REV3L: variants seen among roughly 807,000 people sequenced by gnomAD.
REV3L encodes DNA polymerase zeta catalytic subunit.
In REV3L, 69 loss-of-function variants were observed where a neutral mutation model predicts 299.4. The observed-to-expected ratio is 0.23, with a 90% CI of 0.19 to 0.28. The LOEUF (loss-of-function observed/expected upper bound fraction) is 0.28, where lower values mean the gene tolerates loss of function less well. Among genes scored for constraint, REV3L ranks in the 10% least tolerant of loss-of-function variants. The pLI is 1.00. For synonymous variants in REV3L, 1,238 were observed against 1,271.4 expected (o/e 0.97, Z 0.56); for missense variants, 3,128 against 3,693.8 (o/e 0.85, Z 3.97).
At chr6:111,356,489 C>G (rs534837291) in intron 18 of REV3L, among the ~76,000 whole-genome samples, 98 of 151,998 alleles carry the variant, frequency 6.4e-4, no homozygotes, top group Middle Eastern at 3.4e-3. Flanking sequence ...GCTCTGTGCA[C>G]AAGAGTATGT....
intron 20 of REV3L, among the ~76,000 whole-genome samples, chr6:111,345,459 G>C (rs1776927867): frequency 6.6e-6 from 1 of 152,130 alleles, no homozygotes; most frequent in Admixed American, 6.5e-5. Flanking sequence ...TTTATATGCA[G>C]TAAGTGTAAC....
At chr6:111,359,131 G>A in intron 16 of REV3L, 117 bp from the exon 17 acceptor site, 3 of 778,204 alleles carry the variant, frequency 3.9e-6, no homozygotes, top group Non-Finnish European at 5.8e-6. Flanking sequence ...GGACATAAAG[G>A]ACAAAGTCAC....
In REV3L at chr6:111,422,651, T is replaced by C. The variant is rs866001447; in HGVS notation, c.140-6179A>G. Among the ~76,000 whole-genome samples, 14 of 35,492 alleles carry C rather than the reference T, an allele frequency of 3.9e-4. 2 individuals carry two copies. Among genetic ancestry groups the C allele is most frequent in the South Asian group, 1.0e-3 (1 of 976 alleles). The allele number at this position is 35,492 out of a possible 152,430, so 23.3% of individuals were successfully genotyped here. On this transcript the variant is annotated intron_variant, in intron 1 of 31. Transcript: ENST00000368802. ...ATATACACATATATATATATATACA[T>C]ATATATATATACATATATATATATA...
At position 111,388,170 on chromosome 6, in the gene REV3L, G is replaced by A. The variant is rs1018492320; in HGVS notation, c.863-85C>T. ...TTCTCCTAAAGTAGCTTTAAAAATG[G>A]TGGCAATTTCCTATCTTTCTCTAGA... On this transcript the variant is annotated intron_variant, in intron 7 of 31. Transcript: ENST00000368802. The A allele has an allele frequency of 2.4e-5, 21 of 878,012 alleles. No individual in the cohort carries two copies. In the African/African-American group the frequency reaches 3.4e-4, roughly 14 times the overall value. The allele number at this position is 878,012 out of a possible 1,614,324, so 54.4% of individuals were successfully genotyped here.
At position 111,400,726 on chromosome 6, in the gene REV3L, T is replaced by C. The variant is rs1213358282; in HGVS notation, c.565+4744A>G. 1.2e-4 allele frequency among the ~76,000 whole-genome samples: 19 copies of C among 152,310 alleles called. No homozygotes were observed. In the South Asian group the frequency reaches 3.9e-3, roughly 32 times the overall value. ...TTTTTAATTTTGACAAAATCTAACA[T>C]TAATTTCTCTTTTCATGGATCATGC... On this transcript the variant is annotated intron_variant, in intron 4 of 31. Transcript: ENST00000368802.
At chr6:111,465,752 A>AAAC (rs1473231949) in intron 1 of REV3L, among the ~76,000 whole-genome samples, 2 of 150,830 alleles carry the variant, frequency 1.3e-5, no homozygotes, top group Non-Finnish European at 3.0e-5. Context: ...AACCAAAAAA[A>AAAC]AAAAAAAAAA....
At chr6:111,364,356 A>G (rs914134641) in intron 15 of REV3L, among the ~76,000 whole-genome samples, 2 of 152,170 alleles carry the variant, frequency 1.3e-5, no homozygotes, top group African/African-American at 4.8e-5. Flanking sequence ...TAAAGTTTGT[A>G]AAAGATTTGA....
intron 9 of REV3L, among the ~76,000 whole-genome samples, 189 bp downstream of exon 9, chr6:111,387,576 G>A (rs1781471427): frequency 6.6e-6 from 1 of 152,134 alleles, no homozygotes; most frequent in African/African-American, 2.4e-5. Flanking sequence ...GTAACAGTTT[G>A]CACTAACTTC....
At chr6:111,483,345 G>A (rs1794012593), upstream of REV3L, 2 of 484,246 alleles carry the variant, frequency 4.1e-6, no homozygotes, top group African/African-American at 2.1e-5. Context: ...GACACGGAGG[G>A]CGGGGGCCGA....
chr6:111,444,623 T>C (rs1788629018), intron 1 of REV3L, among the ~76,000 whole-genome samples: 1 of 152,180 alleles, frequency 6.6e-6, no homozygotes, highest in Non-Finnish European at 1.5e-5. Context: ...TGATAATATA[T>C]CAAATGATAA....
chr6:111,404,593 A>G (rs1198699315), intron 4 of REV3L, among the ~76,000 whole-genome samples: 1 of 152,236 alleles, frequency 6.6e-6, no homozygotes, highest in Non-Finnish European at 1.5e-5. Context: ...TTCACCATTC[A>G]AGATGCTCTA....
intron 21 of REV3L, 152 bp from the exon 22 acceptor site, chr6:111,335,762 AATTAAAC>A: frequency 1.5e-6 from 1 of 689,194 alleles, no homozygotes; most frequent in East Asian, 3.2e-5. Flanking sequence ...TATGCTAAGG[AATTAAAC>A]ATTAGAAAAT....
chr6:111,422,595 CACATAT>C lies in REV3L; in HGVS notation c.140-6129_140-6124del, dbSNP rs1258811856. Among the ~76,000 whole-genome samples, 9 of 18,576 alleles carry C rather than the reference CACATAT, an allele frequency of 4.8e-4. 2 individuals are homozygous for C. The South Asian group carries it at 0.01, about 21-fold the overall frequency. The allele number at this position is 18,576 out of a possible 152,430, so 12.2% of individuals were successfully genotyped here. ...ATATATACACATATATATATATATA[CACATAT>C]ATATATATATACACATATATATATA... On this transcript the variant is annotated intron_variant, in intron 1 of 31. Coordinates refer to ENST00000368802, the MANE Select transcript of REV3L (RefSeq NM_001372078.1).
Position 111,358,957 on chromosome 6 carries a change from C to G in REV3L, c.6937G>C (p.Glu2313Gln), listed in dbSNP as rs759371107. Residue 2313 changes from glutamate to glutamine, a missense_variant, in exon 17 of 32, where the codon GAA (glutamate) becomes CAA (glutamine). By Grantham distance (29) the Glu-to-Gln change is conservative (BLOSUM62 2). Transcript: ENST00000368802. The stretch of plus-strand genomic sequence containing the variant: ...ATTGGGTCAAATTCAGGATCCGGTT[C>G]TAAGTCTCGTCTAGTTCGAGCATGC... The part of the protein sequence containing the change: ...ELHARTRRDL[E>Q]PDPEFDPICA... 1.2e-6 allele frequency: 2 copies of G among 1,614,066 alleles called. No individual in the cohort carries two copies. Among genetic ancestry groups the G allele is most frequent in the South Asian group, 2.2e-5 (2 of 91,070 alleles).
At chr6:111,382,882 G>A (rs1780975160) in intron 9 of REV3L, among the ~76,000 whole-genome samples, 1 of 152,148 alleles carries the variant, frequency 6.6e-6, no homozygotes, top group Non-Finnish European at 1.5e-5. Context: ...GGAGTGAAGA[G>A]AACTTTATCT....
chr6:111,341,159 G>C (rs1776445410), intron 21 of REV3L, among the ~76,000 whole-genome samples: 1 of 149,480 alleles, frequency 6.7e-6, no homozygotes, highest in Admixed American at 6.9e-5. Flanking sequence ...TGATTTTCAT[G>C]CCTCAGCCTC....
At chr6:111,379,605 C>T (rs1462252424) in intron 11 of REV3L, among the ~76,000 whole-genome samples, 1 of 152,220 alleles carries the variant, frequency 6.6e-6, no homozygotes, top group Non-Finnish European at 1.5e-5. Flanking sequence ...AAACCATACC[C>T]TGTCTTCAGG....
intron 18 of REV3L, among the ~76,000 whole-genome samples, chr6:111,356,502 T>C (rs1456581579): frequency 2.0e-5 from 3 of 152,120 alleles, no homozygotes; most frequent in African/African-American, 7.2e-5. Context: ...GAGTATGTAA[T>C]AGATAATCCT....
At chr6:111,420,999 G>A (rs1252441382) in intron 1 of REV3L, among the ~76,000 whole-genome samples, 1 of 152,028 alleles carries the variant, frequency 6.6e-6, no homozygotes, top group East Asian at 1.9e-4. Flanking sequence ...AATTAGCCAG[G>A]TGCCTGTAGT....
Sources: gnomAD v4.1 joint callset for allele counts (sites outside exome capture counted in the v4.1 genomes callset) on GRCh38, gnomAD v4.1.1 for gene constraint, MANE v1.5 for transcripts, NCBI Gene and HGNC (gene_info 2026-07-23, HGNC 2026-07-21) for gene names.